EXOSC5: variants seen among roughly 807,000 people sequenced by gnomAD.
EXOSC5 encodes exosome component 5.
A neutral mutation model predicts 23.7 loss-of-function variants in EXOSC5; 15 were observed. The ratio of observed to expected loss-of-function variants is 0.63; its 90% CI spans 0.42 to 0.97. The LOEUF (loss-of-function observed/expected upper bound fraction) is 0.97, where lower values mean the gene tolerates loss of function less well. Among genes scored for constraint, EXOSC5 ranks in the 50% least tolerant of loss-of-function variants. The pLI is 0.00. For missense variants in EXOSC5, 305 were observed against 316.3 expected (o/e 0.96, Z 0.27); for synonymous variants, 143 against 140.9 (o/e 1.02, Z -0.11).
At chr19:41,394,935 G>C (rs991216002) in intron 1 of EXOSC5, among the ~76,000 whole-genome samples, 5 of 151,614 alleles carry the variant, frequency 3.3e-5, no homozygotes, top group Admixed American at 3.3e-4. Flanking sequence ...TCAGGAGGCT[G>C]AGGCAGAAGA....
intron 4 of EXOSC5, among the ~76,000 whole-genome samples, chr19:41,389,182 G>C (rs1166448117): frequency 5.3e-5 from 8 of 152,168 alleles, no homozygotes; most frequent in Admixed American, 2.0e-4. Context: ...CCAGCCTCAG[G>C]TGATCTGCCT....
At chr19:41,389,997 A>T in intron 3 of EXOSC5, 92 bp from the exon 4 acceptor site, 3 of 1,407,892 alleles carry the variant, frequency 2.1e-6, no homozygotes, top group Non-Finnish European at 2.8e-6. Context: ...CAATGGTGTG[A>T]TCTCGGCTCA....
intron 3 of EXOSC5, among the ~76,000 whole-genome samples, chr19:41,391,095 T>C (rs529745699): frequency 6.6e-6 from 1 of 152,250 alleles, no homozygotes; most frequent in Non-Finnish European, 1.5e-5. Flanking sequence ...CCGGGCACAG[T>C]AGCTCATGCC....
At chr19:41,386,751 T>C (rs2038987804) in intron 5 of EXOSC5, 26 bp from the exon 6 acceptor site, 1 of 1,551,480 alleles carries the variant, frequency 6.4e-7, no homozygotes, top group South Asian at 1.2e-5. Flanking sequence ...TGGTCGGTGC[T>C]GGGGGCCGAG....
chr19:41,386,682 A>C lies in EXOSC5; in HGVS notation c.659T>G (p.Val220Gly), dbSNP rs1162235256. The change falls in exon 6 of 6, where the codon GTC becomes GGC. Residue 220 changes from valine to glycine, a missense_variant. Coordinates refer to ENST00000221233, the MANE Select transcript of EXOSC5 (RefSeq NM_020158.4). ...CAGCGATTCCCGGTAGAAACGGAAGACGTGTTGCGAAGCGGCCTGGGCCGC... is the reference window on the plus strand; with the variant it reads ...CAGCGATTCCCGGTAGAAACGGAAGCCGTGTTGCGAAGCGGCCTGGGCCGC... ...LAAAQAASQH[V>G]FRFYRESLQR... is the part of the protein sequence containing the mutation. 7.5e-6 allele frequency: 12 copies of C among 1,603,990 alleles called. No individual in the cohort carries two copies. The highest frequency in any genetic ancestry group is 9.4e-6 in the Non-Finnish European group (11 of 1,175,868).
At chr19:41,392,786 C>A in intron 2 of EXOSC5, 81 bp downstream of exon 2, 1 of 1,281,342 alleles carries the variant, frequency 7.8e-7, no homozygotes, top group South Asian at 1.3e-5. Context: ...AGTGGAGACT[C>A]GGGGCAGCTG....
At position 41,387,307 on chromosome 19, in the gene EXOSC5, C is replaced by T. The variant is rs1043661543; in HGVS notation, c.615+207G>A. On this transcript the variant is annotated intron_variant, in intron 5 of 5. Transcript: ENST00000221233. Reference sequence around the variant, plus strand: ...CTTCTGACTTCAAACTGAGCTCATCCTCTTTTTGCCTGTGTTATAAATTGG... The same window carrying T: ...CTTCTGACTTCAAACTGAGCTCATCTTCTTTTTGCCTGTGTTATAAATTGG... Among the ~76,000 whole-genome samples, 4 of 152,256 alleles carry T rather than the reference C, an allele frequency of 2.6e-5. No homozygotes were observed. In the East Asian group the frequency reaches 5.8e-4, roughly 22 times the overall value.
chr19:41,393,877 G>A (rs983732513), intron 1 of EXOSC5, among the ~76,000 whole-genome samples: 4 of 152,088 alleles, frequency 2.6e-5, no homozygotes, highest in African/African-American at 9.7e-5. Context: ...TTAACAGGAA[G>A]TTCTTCCTGA....
At chr19:41,391,019 G>T (rs1477101298) in intron 3 of EXOSC5, among the ~76,000 whole-genome samples, 1 of 152,158 alleles carries the variant, frequency 6.6e-6, no homozygotes, top group African/African-American at 2.4e-5. Context: ...GCTGCTGTCT[G>T]CTCAGGGCGC....
chr19:41,394,751 T>G (rs1292199734), intron 1 of EXOSC5, among the ~76,000 whole-genome samples: 1 of 151,998 alleles, frequency 6.6e-6, no homozygotes, highest in East Asian at 1.9e-4. Context: ...ACTCCTGACC[T>G]CAACCAAGCG....
chr19:41,394,787 C>A (rs747919559), intron 1 of EXOSC5, among the ~76,000 whole-genome samples: 62 of 152,248 alleles, frequency 4.1e-4, no homozygotes, highest in Non-Finnish European at 4.3e-4. Flanking sequence ...GTAATCCCAG[C>A]ACTGTGGGAG....
In EXOSC5 at chr19:41,386,545, A is replaced by T; in HGVS notation, c.*88T>A. On this transcript the variant is annotated 3_prime_UTR_variant, in exon 6 of 6. Coordinates refer to ENST00000221233, the MANE Select transcript of EXOSC5 (RefSeq NM_020158.4). The stretch of plus-strand genomic sequence containing the variant: ...CAGGCTCAAGGAGCCCATGGGTCAG[A>T]GAGGCAAGGCTGGGCTGCTGGTTTG... 1 of 1,337,892 alleles carries T rather than the reference A, an allele frequency of 7.5e-7. No homozygotes were observed. Among genetic ancestry groups the T allele is most frequent in the Non-Finnish European group, 1.0e-6 (1 of 971,166 alleles). 82.9% of individuals were successfully genotyped at this position (1,337,892 alleles called of 1,614,324 possible). A position where few individuals can be genotyped will look rare whatever the true frequency, so the allele number is the denominator to read the frequency against.
At chr19:41,396,244 T>G (rs1186036817) in intron 1 of EXOSC5, among the ~76,000 whole-genome samples, 1 of 151,988 alleles carries the variant, frequency 6.6e-6, no homozygotes, top group Non-Finnish European at 1.5e-5. Flanking sequence ...GAGTCTTGCT[T>G]TGTCGCTCAC....
rs779844766 is a variant in EXOSC5, at chr19:41,389,858, T to C, written c.432A>G (p.Ala144=). 3 of 1,613,696 alleles carry C rather than the reference T, an allele frequency of 1.9e-6. No individual in the cohort carries two copies. In the Admixed American group the frequency reaches 5.0e-5, roughly 27 times the overall value. The change falls in exon 4 of 6, where the codon GCA becomes GCG. Residue 144 remains alanine, a synonymous_variant. Coordinates refer to ENST00000221233, the MANE Select transcript of EXOSC5 (RefSeq NM_020158.4). ...AGAAGAGAGCCCGCATGGGCACACC[T>C]GCATCCACCAATGCCATGCAGGCGG... The part of the protein sequence containing the change: ...LNAACMALVD[A]GVPMRALFCG...
chr19:41,393,387 C>T (rs2039038502), intron 1 of EXOSC5, among the ~76,000 whole-genome samples: 1 of 151,394 alleles, frequency 6.6e-6, no homozygotes, highest in Non-Finnish European at 1.5e-5. Context: ...GCCTCAGCCT[C>T]CCAAGTAGCT....
intron 1 of EXOSC5, among the ~76,000 whole-genome samples, chr19:41,396,617 CTTTTTTTTTT>C (rs60285872): frequency 7.7e-6 from 1 of 130,190 alleles, no homozygotes; most frequent in Non-Finnish European, 1.6e-5. Context: ...TTGCCCTAAT[CTTTTTTTTTT>C]TTTTTTTTTT....
chr19:41,394,332 C>T (rs562117390), intron 1 of EXOSC5, among the ~76,000 whole-genome samples: 26 of 147,820 alleles, frequency 1.8e-4, no homozygotes, highest in African/African-American at 6.4e-4. Flanking sequence ...GAGCCGAGAT[C>T]ACACCATTGC....
At chr19:41,387,677 G>A in intron 4 of EXOSC5, 74 bp from the exon 5 acceptor site, 1 of 1,107,760 alleles carries the variant, frequency 9.0e-7, no homozygotes, top group Non-Finnish European at 1.3e-6. Context: ...CAGTCCTTTG[G>A]CCAGGCACAG....
At chr19:41,387,667 C>T in intron 4 of EXOSC5, 64 bp from the exon 5 acceptor site, 2 of 1,259,584 alleles carry the variant, frequency 1.6e-6, no homozygotes, top group Non-Finnish European at 1.1e-6. Context: ...AAATCTCAGC[C>T]AGTCCTTTGG....
Sources: gnomAD v4.1 joint callset for allele counts (sites outside exome capture counted in the v4.1 genomes callset) on GRCh38, gnomAD v4.1.1 for gene constraint, MANE v1.5 for transcripts, NCBI Gene and HGNC (gene_info 2026-07-23, HGNC 2026-07-21) for gene names.